Variants in GRID2 observed in about 807,000 individuals in gnomAD.
GRID2 encodes glutamate receptor ionotropic, delta-2.
GRID2 carries 33 observed loss-of-function variants against 114.8 expected under a neutral mutation model. That is an observed-to-expected ratio of 0.29 (90% CI 0.22 to 0.38). The LOEUF (loss-of-function observed/expected upper bound fraction) is 0.38. Among genes scored for constraint, GRID2 ranks in the 10% least tolerant of loss-of-function variants. The pLI is 1.00. For missense variants in GRID2, 1,184 were observed against 1,257.7 expected (o/e 0.94, Z 0.89); for synonymous variants, 505 against 449.9 (o/e 1.12, Z -1.55).
intron 1 of GRID2, among the ~76,000 whole-genome samples, chr4:93,791,869 G>A (rs1378863228): frequency 6.6e-6 from 1 of 152,180 alleles, no homozygotes; most frequent in African/African-American, 2.4e-5. Flanking sequence ...AAAAGTCTCA[G>A]CCCTCTTTTG....
chr4:93,015,610 A>G (rs1426053711), intron 2 of GRID2, among the ~76,000 whole-genome samples: 3 of 152,196 alleles, frequency 2.0e-5, no homozygotes, highest in Non-Finnish European at 4.4e-5. Flanking sequence ...TATATATGCT[A>G]TTAATCCTCA....
At chr4:93,718,622 T>C (rs570154997) in intron 14 of GRID2, among the ~76,000 whole-genome samples, 4 of 152,324 alleles carry the variant, frequency 2.6e-5, no homozygotes, top group African/African-American at 7.2e-5. Context: ...TAAATACTTA[T>C]TGAACAAATG....
chr4:93,631,295 C>T (rs980356713), intron 14 of GRID2, among the ~76,000 whole-genome samples: 13 of 152,018 alleles, frequency 8.6e-5, no homozygotes, highest in African/African-American at 2.7e-4. Flanking sequence ...TATACATGTG[C>T]CATGTTGGTG....
intron 8 of GRID2, among the ~76,000 whole-genome samples, chr4:93,322,875 C>T (rs1292766317): frequency 6.6e-6 from 1 of 151,996 alleles, no homozygotes; most frequent in African/African-American, 2.4e-5. Context: ...TATCTTTTGC[C>T]CACTTTTTAA....
chr4:92,420,512 T>A (rs1190049127), intron 1 of GRID2, among the ~76,000 whole-genome samples: 1 of 152,164 alleles, frequency 6.6e-6, no homozygotes, highest in African/African-American at 2.4e-5. Flanking sequence ...ACAAATCATA[T>A]TTTTGTTGTT....
At chr4:93,209,905 A>T (rs752559255) in intron 5 of GRID2, among the ~76,000 whole-genome samples, 1 of 152,032 alleles carries the variant, frequency 6.6e-6, no homozygotes, top group East Asian at 1.9e-4. Flanking sequence ...TATTATTTTG[A>T]AAAGTGTCTG....
At chr4:92,838,754 C>T (rs1446666490) in intron 2 of GRID2, 3 of 151,998 alleles carry the variant, frequency 2.0e-5, no homozygotes, top group Non-Finnish European at 4.4e-5. Context: ...ACTAACATTC[C>T]TCCATATTTT....
intron 13 of GRID2, among the ~76,000 whole-genome samples, chr4:93,553,885 A>G (rs1394795495): frequency 6.6e-6 from 1 of 152,164 alleles, no homozygotes; most frequent in Non-Finnish European, 1.5e-5. Context: ...TGCCATGGAT[A>G]TTATACTTAC....
chr4:93,088,632 C>G (rs1300526225), intron 3 of GRID2, among the ~76,000 whole-genome samples: 1 of 152,116 alleles, frequency 6.6e-6, no homozygotes, highest in Non-Finnish European at 1.5e-5. Context: ...AAACAGCCCC[C>G]CTACCAATAG....
intron 14 of GRID2, among the ~76,000 whole-genome samples, chr4:93,685,665 G>A (rs1313389016): frequency 1.3e-5 from 2 of 151,946 alleles, no homozygotes; most frequent in East Asian, 3.9e-4. Flanking sequence ...TCCCTTCATG[G>A]ATTTAGATTA....
At chr4:92,504,462 T>C (rs1723850220) in intron 1 of GRID2, among the ~76,000 whole-genome samples, 2 of 152,202 alleles carry the variant, frequency 1.3e-5, no homozygotes, top group African/African-American at 2.4e-5. Flanking sequence ...TGCAGGAATA[T>C]GTTGAGATTG....
chr4:93,777,689 A>C (rs1734393638), downstream of GRID2, among the ~76,000 whole-genome samples: 1 of 152,216 alleles, frequency 6.6e-6, no homozygotes, highest in Non-Finnish European at 1.5e-5. Context: ...ATTCTCATTA[A>C]TTAAAAACTA....
At chr4:93,506,683 G>A (rs375937112) in intron 12 of GRID2, among the ~76,000 whole-genome samples, 3 of 152,086 alleles carry the variant, frequency 2.0e-5, no homozygotes, top group Non-Finnish European at 4.4e-5. Context: ...CTGACCCTCC[G>A]TAAATCTCTA....
At chr4:92,986,193 G>A (rs1391614261) in intron 2 of GRID2, among the ~76,000 whole-genome samples, 2 of 151,996 alleles carry the variant, frequency 1.3e-5, no homozygotes, top group Non-Finnish European at 2.9e-5. Context: ...TTATCCTCAA[G>A]GGAAAAGTAT....
chr4:92,841,516 A>G (rs1284165606), intron 2 of GRID2, among the ~76,000 whole-genome samples: 1 of 151,922 alleles, frequency 6.6e-6, no homozygotes, highest in East Asian at 1.9e-4. Context: ...TATTTAGATG[A>G]TGATTAGTTT....
intron 5 of GRID2, among the ~76,000 whole-genome samples, chr4:93,212,073 G>C (rs1743563876): frequency 6.6e-6 from 1 of 151,826 alleles, no homozygotes; most frequent in Non-Finnish European, 1.5e-5. Context: ...AAAAAACATG[G>C]ATTTCTCAAT....
At chr4:92,464,546 T>C (rs2149090429) in intron 1 of GRID2, among the ~76,000 whole-genome samples, 1 of 152,114 alleles carries the variant, frequency 6.6e-6, no homozygotes, top group East Asian at 1.9e-4. Context: ...CGCCTGCTAA[T>C]ATTTCGAGTG....
chr4:92,756,246 C>T (rs532384768), intron 2 of GRID2, among the ~76,000 whole-genome samples: 1 of 152,226 alleles, frequency 6.6e-6, no homozygotes, highest in South Asian at 2.1e-4. Flanking sequence ...CTCCTATTTC[C>T]ATCAATGTTG....
intron 2 of GRID2, among the ~76,000 whole-genome samples, chr4:92,793,777 A>G (rs1407499023): frequency 6.6e-6 from 1 of 151,890 alleles, no homozygotes; most frequent in Non-Finnish European, 1.5e-5. Flanking sequence ...ACTTTTCAAT[A>G]GTGAAAATCT....
Sources: allele counts gnomAD v4.1 joint callset (sites outside exome capture counted in the v4.1 genomes callset), GRCh38; gene constraint gnomAD v4.1.1; transcripts MANE v1.5; gene names NCBI Gene and HGNC (gene_info 2026-07-23, HGNC 2026-07-21).